Variants in PITPNC1 observed in about 807,000 individuals in gnomAD.
The protein encoded by PITPNC1 is cytoplasmic phosphatidylinositol transfer protein 1.
A neutral mutation model predicts 44.7 loss-of-function variants in PITPNC1; 18 were observed. The ratio of observed to expected loss-of-function variants is 0.40; its 90% confidence interval spans 0.28 to 0.60. PITPNC1 has a LOEUF of 0.60. PITPNC1 is among the 20% of genes least tolerant of loss of function. PITPNC1 has a pLI of 0.39. For missense variants in PITPNC1, 290 were observed against 418.4 expected, an observed-to-expected ratio of 0.69 and a Z score of 2.68; for synonymous variants, 141 against 149.6, an observed-to-expected ratio of 0.94 and a Z score of 0.42.
chr17:67,669,577 C>CA lies in PITPNC1; in HGVS notation c.533dup (p.Pro179AlafsTer14). ...GAGGGAAGGCTGGAGAGATAGTCAT[C>CA]AGCCTATCATGTGCTCCTACAAGCT... On this transcript the variant is annotated frameshift_variant, in exon 7 of 9. Coordinates refer to ENST00000581322, the MANE Select transcript of PITPNC1 (RefSeq NM_012417.4). LOFTEE classifies it high-confidence loss of function. 1 of 1,606,708 alleles carries CA rather than the reference C, an allele frequency of 6.2e-7. No homozygotes were observed. Among genetic ancestry groups the CA allele is most frequent in the Non-Finnish European group, 8.5e-7 (1 of 1,174,984 alleles).
chr17:67,628,249 C>T (rs1033226449), intron 5 of PITPNC1, among the ~76,000 whole-genome samples: 28 of 152,112 alleles, frequency 1.8e-4, no homozygotes, highest in South Asian at 4.1e-4. Context: ...TCCATTCTGC[C>T]TTGTATTTTT....
chr17:67,668,653 G>A (rs2042461037), intron 6 of PITPNC1, among the ~76,000 whole-genome samples: 1 of 152,122 alleles, frequency 6.6e-6, no homozygotes, highest in African/African-American at 2.4e-5. Flanking sequence ...CACGAGGTCA[G>A]GAGATCGAGA....
At chr17:67,410,808 C>G (rs141005986) in intron 1 of PITPNC1, among the ~76,000 whole-genome samples, 1 of 151,484 alleles carries the variant, frequency 6.6e-6, no homozygotes, top group African/African-American at 2.4e-5. Context: ...AGTTGGGCTG[C>G]GCTGGGTGGC....
At chr17:67,428,541 A>G (rs1227276322) in intron 1 of PITPNC1, among the ~76,000 whole-genome samples, 1 of 151,144 alleles carries the variant, frequency 6.6e-6, no homozygotes, top group African/African-American at 2.4e-5. Context: ...TCAAAAAGAA[A>G]AAAAAAAAAA....
intron 1 of PITPNC1, among the ~76,000 whole-genome samples, chr17:67,487,605 T>C (rs1283542985): frequency 1.3e-5 from 2 of 152,176 alleles, no homozygotes; most frequent in African/African-American, 2.4e-5. Context: ...TAATCCAACT[T>C]CTGTTGAATG....
chr17:67,690,146 G>A (rs970543133), intron 8 of PITPNC1, among the ~76,000 whole-genome samples: 1 of 152,140 alleles, frequency 6.6e-6, no homozygotes, highest in Non-Finnish European at 1.5e-5. Flanking sequence ...TTGCTCAGAT[G>A]TTATAAAACC....
At chr17:67,572,858 G>A (rs1199315430) in intron 4 of PITPNC1, among the ~76,000 whole-genome samples, 1 of 151,872 alleles carries the variant, frequency 6.6e-6, no homozygotes, top group Non-Finnish European at 1.5e-5. Flanking sequence ...GTCCTTGTAA[G>A]AAGAGAAGAG....
intron 5 of PITPNC1, among the ~76,000 whole-genome samples, chr17:67,631,642 A>C (rs1316626567): frequency 4.3e-5 from 1 of 23,458 alleles, no homozygotes. Context: ...AACCAAAAAA[A>C]AAAAAAAAAA....
At chr17:67,656,184 C>T (rs575690530) in intron 6 of PITPNC1, among the ~76,000 whole-genome samples, 1 of 152,204 alleles carries the variant, frequency 6.6e-6, no homozygotes, top group Non-Finnish European at 1.5e-5. Flanking sequence ...GGGGGTCTAA[C>T]CTTGCTCTTC....
chr17:67,632,226 C>T lies in PITPNC1; in HGVS notation c.450C>T (p.Tyr150=). 2 of 1,599,178 alleles carry T rather than the reference C, an allele frequency of 1.3e-6. No homozygotes were observed. Among genetic ancestry groups the T allele is most frequent in the Non-Finnish European group, 1.7e-6 (2 of 1,166,454 alleles). The part of the protein sequence containing the change: ...IACDEIPERY[Y]KESEDPKHFK... Reference sequence around the variant, plus strand: ...GCGATGAAATTCCAGAGCGCTACTACAAAGAATCTGAGGTAAGCAACAGTT... The same window carrying T: ...GCGATGAAATTCCAGAGCGCTACTATAAAGAATCTGAGGTAAGCAACAGTT... Residue 150 remains tyrosine (Y), a synonymous_variant, in exon 6 of 9, where the codon TAC becomes TAT. Transcript: ENST00000581322.
At chr17:67,506,757 A>T (rs1355733870) in intron 1 of PITPNC1, among the ~76,000 whole-genome samples, 1 of 152,182 alleles carries the variant, frequency 6.6e-6, no homozygotes, top group Admixed American at 6.5e-5. Context: ...GCAACCATTG[A>T]TAATTTTTGA....
At position 67,694,454 on chromosome 17, in the gene PITPNC1, C is replaced by A. The variant is rs1567786918; in HGVS notation, c.*1566C>A. ...TCACACAGCCTCTCTGCCAGTGGACCCTGCCTGCTTCCCTCTCAGTGCTCA... is the reference window on the plus strand; with the variant it reads ...TCACACAGCCTCTCTGCCAGTGGACACTGCCTGCTTCCCTCTCAGTGCTCA... On this transcript the variant is annotated 3_prime_UTR_variant, in exon 9 of 9. Coordinates refer to ENST00000581322, the MANE Select transcript of PITPNC1 (RefSeq NM_012417.4). The A allele has an allele frequency of 6.6e-6, 1 of 152,500 alleles. No homozygotes were observed. Among genetic ancestry groups the A allele is most frequent in the Non-Finnish European group, 1.5e-5 (1 of 68,308 alleles). The allele number at this position is 152,500 out of a possible 1,614,324, so 9.4% of individuals were successfully genotyped here.
intron 1 of PITPNC1, among the ~76,000 whole-genome samples, chr17:67,401,061 A>G (rs931639452): frequency 5.9e-5 from 9 of 151,850 alleles, no homozygotes; most frequent in Admixed American, 1.3e-4. Flanking sequence ...CAGCCTCCCG[A>G]GTAGCTGGGA....
At chr17:67,677,443 A>T (rs2042622611) in intron 8 of PITPNC1, among the ~76,000 whole-genome samples, 1 of 152,084 alleles carries the variant, frequency 6.6e-6, no homozygotes, top group Non-Finnish European at 1.5e-5. Flanking sequence ...AAAGGGTTTG[A>T]TTAGAGGCAG....
chr17:67,554,362 A>G (rs538536351), intron 4 of PITPNC1, among the ~76,000 whole-genome samples: 10 of 151,294 alleles, frequency 6.6e-5, no homozygotes, highest in Admixed American at 4.0e-4. Flanking sequence ...GGTTCAAGCA[A>G]TTCTCCTGCC....
At chr17:67,523,165 C>A (rs75087997) in intron 1 of PITPNC1, among the ~76,000 whole-genome samples, 8,345 of 152,314 alleles carry the variant, frequency 0.055, 377 homozygotes, top group Admixed American at 0.12. Flanking sequence ...GAACTTGACA[C>A]TTCTAGCTGC....
chr17:67,672,778 C>T (rs2042536926), intron 7 of PITPNC1, among the ~76,000 whole-genome samples: 1 of 152,092 alleles, frequency 6.6e-6, no homozygotes, highest in Admixed American at 6.5e-5. Flanking sequence ...GTTATTGACA[C>T]TCCAGAAACG....
At chr17:67,386,776 G>A (rs2038060527) in intron 1 of PITPNC1, among the ~76,000 whole-genome samples, 1 of 152,118 alleles carries the variant, frequency 6.6e-6, no homozygotes, top group Non-Finnish European at 1.5e-5. Context: ...GTAGTGTTAG[G>A]CAAGTCTGAA....
At chr17:67,531,708 G>A (rs1424138834) in intron 1 of PITPNC1, among the ~76,000 whole-genome samples, 1 of 152,114 alleles carries the variant, frequency 6.6e-6, no homozygotes, top group Non-Finnish European at 1.5e-5. Context: ...GCAGATTGTT[G>A]GGGAATAACC....
Sources: allele counts gnomAD v4.1 joint callset (sites outside exome capture counted in the v4.1 genomes callset), GRCh38; gene constraint gnomAD v4.1.1; transcripts MANE v1.5; gene names NCBI Gene and HGNC (gene_info 2026-07-23, HGNC 2026-07-21).